The following ARHGAP39 variants were observed in gnomAD, a reference collection of about 807,000 sequenced individuals.
ARHGAP39 encodes Rho GTPase activating protein 39, also known as rho GTPase-activating protein 39.
ARHGAP39 carries 44 observed loss-of-function variants against 106.9 expected under a neutral mutation model. The observed-to-expected ratio is 0.41, with a 90% CI of 0.32 to 0.53. ARHGAP39 has a LOEUF of 0.53. Ranked by LOEUF, ARHGAP39 falls within the 20% of genes least tolerant of loss-of-function variation. ARHGAP39 has a pLI of 0.21. For missense variants in ARHGAP39, 1,496 were observed against 1,577.3 expected, an observed-to-expected ratio of 0.95 and a Z score of 0.87; for synonymous variants, 768 against 693.2, an observed-to-expected ratio of 1.11 and a Z score of -1.69.
At chr8:144,545,918 A>AGG in intron 5 of ARHGAP39, 108 bp from the exon 6 acceptor site, 1 of 952,734 alleles carries the variant, frequency 1.0e-6, no homozygotes, top group East Asian at 2.7e-5. Flanking sequence ...CACCAGAGCC[A>AGG]GCCAGGTGAG....
intron 1 of ARHGAP39, among the ~76,000 whole-genome samples, chr8:144,622,855 G>T (rs1467089959): frequency 6.6e-6 from 1 of 152,268 alleles, no homozygotes; most frequent in African/African-American, 2.4e-5. Flanking sequence ...CAGCTTTGCA[G>T]AAGTCAGGGG....
At chr8:144,694,869 T>A in the ARHGAP39 span, among the ~76,000 whole-genome samples, 1 of 152,102 alleles carries the variant, frequency 6.6e-6, no homozygotes, top group African/African-American at 2.4e-5. Flanking sequence ...TGGGCAGGGA[T>A]GTCGTAGGCA....
chr8:144,532,430 A>G (rs1362253084), intron 9 of ARHGAP39, 34 bp from the exon 10 acceptor site: 1 of 1,576,708 alleles, frequency 6.3e-7, no homozygotes, highest in South Asian at 1.1e-5. Flanking sequence ...AGGCAACAGG[A>G]GCCTGTGCTG....
chr8:144,560,176 G>A (rs1818089612), intron 3 of ARHGAP39, among the ~76,000 whole-genome samples: 1 of 152,276 alleles, frequency 6.6e-6, no homozygotes, highest in Non-Finnish European at 1.5e-5. Flanking sequence ...ACTCACGCCT[G>A]TAATTCCAAC....
chr8:144,606,264 T>C (rs1820287926), intron 1 of ARHGAP39, among the ~76,000 whole-genome samples: 1 of 152,194 alleles, frequency 6.6e-6, no homozygotes, highest in Non-Finnish European at 1.5e-5. Context: ...AGTCCATCCT[T>C]GAAAAACACG....
Position 144,576,975 on chromosome 8 carries a change from C to T in ARHGAP39, c.512+3871G>A, listed in dbSNP as rs1329759412. On this transcript the variant is annotated intron_variant, in intron 3 of 11. Transcript: ENST00000377307. ...CCAACAGGTTTGTTTTTCACTTATGCCATTTAAACCATAAACCAGATGCTG... is the reference window on the plus strand; with the variant it reads ...CCAACAGGTTTGTTTTTCACTTATGTCATTTAAACCATAAACCAGATGCTG... Among the ~76,000 whole-genome samples the T allele has an allele frequency of 2.0e-5, 3 of 152,184 alleles. No homozygotes were observed. In the East Asian group the frequency reaches 5.8e-4, roughly 29 times the overall value.
intron 2 of ARHGAP39, among the ~76,000 whole-genome samples, chr8:144,582,001 G>A (rs749252484): frequency 1.4e-4 from 22 of 152,174 alleles, no homozygotes; most frequent in Non-Finnish European, 2.9e-4. Context: ...TTAACCCTGC[G>A]ACAGGCCTGG....
the ARHGAP39 span, among the ~76,000 whole-genome samples, chr8:144,696,359 G>A: frequency 1.3e-5 from 2 of 152,098 alleles, no homozygotes; most frequent in Admixed American, 6.5e-5. Context: ...GGCTGGTCTT[G>A]AACTCCTGAC....
At chr8:144,651,598 G>A (rs1264839381) in intron 1 of ARHGAP39, among the ~76,000 whole-genome samples, 1 of 152,086 alleles carries the variant, frequency 6.6e-6, no homozygotes, top group Non-Finnish European at 1.5e-5. Context: ...AGCTACTTGG[G>A]AGGCTGAGTG....
chr8:144,580,758 G>GGGGGGGGGCCCCCC, intron 3 of ARHGAP39, 88 bp downstream of exon 3: 1 of 185,576 alleles, frequency 5.4e-6, no homozygotes, highest in Non-Finnish European at 1.1e-5. Flanking sequence ...CTCTCACCTG[G>GGGGGGGGGCCCCCC]CCCCGCCCAC....
intron 2 of ARHGAP39, among the ~76,000 whole-genome samples, chr8:144,599,946 T>A (rs1819783192): frequency 6.6e-6 from 1 of 152,028 alleles, no homozygotes; most frequent in Non-Finnish European, 1.5e-5. Flanking sequence ...AGAAGAGATG[T>A]GATGGAAGAG....
At chr8:144,582,842 C>T (rs558210002) in intron 2 of ARHGAP39, among the ~76,000 whole-genome samples, 120 of 152,264 alleles carry the variant, frequency 7.9e-4, no homozygotes, top group African/African-American at 2.8e-3. Flanking sequence ...CTCCTGAGGC[C>T]CGCCTGTGGA....
chr8:144,673,647 G>A (rs1822158654), intron 1 of ARHGAP39, among the ~76,000 whole-genome samples: 3 of 152,154 alleles, frequency 2.0e-5, no homozygotes, highest in African/African-American at 4.8e-5. Flanking sequence ...TTGGGGTGTC[G>A]CTTCACCAGC....
At chr8:144,542,228 C>T (rs964211726) in intron 6 of ARHGAP39, among the ~76,000 whole-genome samples, 3 of 152,192 alleles carry the variant, frequency 2.0e-5, no homozygotes, top group Admixed American at 1.3e-4. Flanking sequence ...GTGTCGAGAA[C>T]CTGTTGAGGG....
intron 6 of ARHGAP39, among the ~76,000 whole-genome samples, chr8:144,540,809 G>A (rs1198522177): frequency 1.3e-5 from 2 of 151,790 alleles, no homozygotes; most frequent in Admixed American, 6.6e-5. Flanking sequence ...AAAAAAAAAA[G>A]AAATATTTAT....
At chr8:144,624,196 T>C (rs558164381) in intron 1 of ARHGAP39, among the ~76,000 whole-genome samples, 1 of 152,314 alleles carries the variant, frequency 6.6e-6, no homozygotes, top group Non-Finnish European at 1.5e-5. Context: ...GTGCCTGCCA[T>C]GTTAGCCCCA....
intron 2 of ARHGAP39, among the ~76,000 whole-genome samples, chr8:144,602,852 G>C (rs1308086209): frequency 7.1e-6 from 1 of 141,504 alleles, no homozygotes; most frequent in Non-Finnish European, 1.5e-5. Context: ...GCGTGCGTGT[G>C]AGCTCGTGTA....
intron 1 of ARHGAP39, among the ~76,000 whole-genome samples, chr8:144,630,430 C>A (rs1821032120): frequency 6.6e-6 from 1 of 152,232 alleles, no homozygotes; most frequent in Non-Finnish European, 1.5e-5. Context: ...AGAAGCGCCC[C>A]AGCCCTGGCC....
chr8:144,547,947 T>C lies in ARHGAP39; in HGVS notation c.1139A>G (p.Glu380Gly), dbSNP rs768217425. 4.8e-5 allele frequency: 77 copies of C among 1,598,286 alleles called. 1 individual carries two copies. The highest frequency in any genetic ancestry group is 3.3e-4 in the Middle Eastern group (2 of 6,066). The change falls in exon 5 of 12, where the codon GAG (glutamate) becomes GGG (glycine). Residue 380 changes from glutamate (E) to glycine (G), a missense_variant. Physicochemically the swap from Glu to Gly is moderately conservative, Grantham distance 98 (BLOSUM62 -2). This residue lies in a region of ARHGAP39 where 905 missense variants were observed against 816.4 expected (regional missense o/e 1.11). Coordinates refer to ENST00000377307, the MANE Select transcript of ARHGAP39 (RefSeq NM_025251.3). This position sits in a 1 kb window ranked among gnomAD's most constrained non-coding sequence, Gnocchi z 5.2. Reference protein sequence around the residue: ...QLVLTKQKCPERFLSLEYSPA... With the variant: ...QLVLTKQKCPGRFLSLEYSPA... ...ACTGTACTCCAGGCTCAGGAAGCGC[T>C]CGGGACACTTCTGCTTGGTGAGCAC...
Sources: gnomAD v4.1 joint callset for allele counts (sites outside exome capture counted in the v4.1 genomes callset) on GRCh38, gnomAD v4.1.1 for gene constraint, gnomAD v4.1.1 regional missense constraint, Gnocchi (gnomAD v3.1) non-coding constraint, MANE v1.5 for transcripts, NCBI Gene and HGNC (gene_info 2026-07-23, HGNC 2026-07-21) for gene names.